GRIN2B: variants seen among roughly 807,000 people sequenced by gnomAD.
GRIN2B encodes glutamate ionotropic receptor NMDA type subunit 2B, also known as glutamate receptor ionotropic, NMDA 2B.
A neutral mutation model predicts 114.5 loss-of-function variants in GRIN2B; 5 were observed. That is an observed-to-expected ratio of 0.04 (90% confidence interval 0.02 to 0.09). The LOEUF is 0.09. Ranked by LOEUF, GRIN2B falls within the 10% of genes least tolerant of loss-of-function variation. The pLI is 1.00. For synonymous variants in GRIN2B, 787 were observed against 745.1 expected (o/e 1.06, Z -0.92); for missense variants, 1,108 against 1,943.5 (o/e 0.57, Z 8.08).
intron 3 of GRIN2B, among the ~76,000 whole-genome samples, chr12:13,863,451 C>A (rs1865779281): frequency 6.6e-6 from 1 of 152,296 alleles, no homozygotes; most frequent in African/African-American, 2.4e-5. Context: ...GCCTTTGAAG[C>A]TAGCAACCAA....
intron 2 of GRIN2B, among the ~76,000 whole-genome samples, chr12:13,938,685 G>C (rs1419807701): frequency 1.3e-5 from 2 of 152,158 alleles, no homozygotes; most frequent in Admixed American, 6.5e-5. Context: ...AAGCTAATTT[G>C]TGGGGATACA....
At chr12:13,975,330 A>T (rs1014674339) in intron 2 of GRIN2B, among the ~76,000 whole-genome samples, 1 of 152,254 alleles carries the variant, frequency 6.6e-6, no homozygotes, top group African/African-American at 2.4e-5. Context: ...AAATCTCCAG[A>T]TGATTTTAAT....
At chr12:13,972,187 G>T in intron 2 of GRIN2B, among the ~76,000 whole-genome samples, 1 of 152,178 alleles carries the variant, frequency 6.6e-6, no homozygotes, top group East Asian at 1.9e-4. Context: ...TTGGGGTAGG[G>T]TCTGAGCATG....
At chr12:13,860,577 C>T (rs375454198) in intron 3 of GRIN2B, among the ~76,000 whole-genome samples, 4 of 152,154 alleles carry the variant, frequency 2.6e-5, no homozygotes, top group South Asian at 2.1e-4. Flanking sequence ...TGCCTGCCTC[C>T]GCCTCCAAAG....
intron 5 of GRIN2B, among the ~76,000 whole-genome samples, chr12:13,643,085 A>C (rs1949734935): frequency 6.6e-6 from 1 of 152,204 alleles, no homozygotes; most frequent in Non-Finnish European, 1.5e-5. Context: ...TGAAGACGAA[A>C]GTTATTCTAA....
intron 2 of GRIN2B, among the ~76,000 whole-genome samples, chr12:13,915,809 C>G (rs1866708026): frequency 6.6e-6 from 1 of 152,102 alleles, no homozygotes; most frequent in African/African-American, 2.4e-5. Context: ...AAGCACCTGG[C>G]TGGCATCTTT....
chr12:13,929,667 T>C (rs1007666723), intron 2 of GRIN2B, among the ~76,000 whole-genome samples: 1 of 152,214 alleles, frequency 6.6e-6, no homozygotes, highest in African/African-American at 2.4e-5. Context: ...CATAATGAGC[T>C]GCCTAGGTCC....
intron 3 of GRIN2B, among the ~76,000 whole-genome samples, chr12:13,762,740 T>G (rs896121220): frequency 6.6e-6 from 1 of 152,200 alleles, no homozygotes; most frequent in Admixed American, 6.5e-5. Context: ...TCTTTGCCCT[T>G]CTGTCCCAGC....
chr12:13,678,392 G>C (rs1332985059), intron 4 of GRIN2B, among the ~76,000 whole-genome samples: 2 of 151,984 alleles, frequency 1.3e-5, no homozygotes, highest in Admixed American at 1.3e-4. Context: ...AGTCAACAAG[G>C]GTCCAGTATG....
chr12:13,665,000 C>T (rs972204346), intron 5 of GRIN2B, among the ~76,000 whole-genome samples: 6 of 152,092 alleles, frequency 3.9e-5, no homozygotes, highest in African/African-American at 1.2e-4. Context: ...ACTATTTCCT[C>T]GAAAATCCCT....
Position 13,555,288 on chromosome 12 carries a change from A to G in GRIN2B, c.*7495T>C, listed in dbSNP as rs1948465390. 6.6e-6 allele frequency: 1 copy of G among 152,236 alleles called. No individual in the cohort carries two copies. The highest frequency in any genetic ancestry group is 1.5e-5 in the Non-Finnish European group (1 of 68,052). The allele number at this position is 152,236 out of a possible 1,614,324, so 9.4% of individuals were successfully genotyped here. ...AGAAAAAAGGCTATTGACTTTTGTA[A>G]CAAGAACTTCATTGGAACGTTGCCT... On this transcript the variant is annotated 3_prime_UTR_variant, in exon 14 of 14. Coordinates refer to ENST00000609686, the MANE Select transcript of GRIN2B (RefSeq NM_000834.5).
At chr12:13,588,089 A>C (rs1948955550) in intron 10 of GRIN2B, among the ~76,000 whole-genome samples, 1 of 152,312 alleles carries the variant, frequency 6.6e-6, no homozygotes. Flanking sequence ...ACTCCATGAT[A>C]ATTCTATCAT....
chr12:13,819,206 G>T (rs1278415447), intron 3 of GRIN2B, among the ~76,000 whole-genome samples: 6 of 152,140 alleles, frequency 3.9e-5, no homozygotes, highest in Non-Finnish European at 8.8e-5. Flanking sequence ...GAGAGAGAAG[G>T]TGGCCATCTA....
At chr12:13,797,105 A>G (rs1864430244) in intron 3 of GRIN2B, among the ~76,000 whole-genome samples, 1 of 152,218 alleles carries the variant, frequency 6.6e-6, no homozygotes, top group African/African-American at 2.4e-5. Context: ...ACTTACAAGG[A>G]ACAGAAATTT....
At chr12:13,568,896 G>T (rs1948673017) in intron 12 of GRIN2B, among the ~76,000 whole-genome samples, 1 of 152,196 alleles carries the variant, frequency 6.6e-6, no homozygotes, top group Non-Finnish European at 1.5e-5. Context: ...CTGGGGAGTG[G>T]CTGATGGTGT....
chr12:13,821,909 C>T (rs1192337356), intron 3 of GRIN2B, among the ~76,000 whole-genome samples: 9 of 152,124 alleles, frequency 5.9e-5, no homozygotes, highest in Non-Finnish European at 1.0e-4. Context: ...TTCTCTATTA[C>T]ACAAAATAAA....
intron 2 of GRIN2B, among the ~76,000 whole-genome samples, chr12:13,889,644 T>C (rs1866225690): frequency 6.6e-6 from 1 of 152,108 alleles, no homozygotes; most frequent in African/African-American, 2.4e-5. Context: ...AGGTGAACTG[T>C]AGTAAAATAT....
intron 5 of GRIN2B, among the ~76,000 whole-genome samples, chr12:13,621,613 G>T (rs12308068): frequency 0.56 from 40,824 of 73,406 alleles, 9,686 homozygotes; most frequent in Middle Eastern, 0.72. Flanking sequence ...CCTAGTTTTT[G>T]TTTTTTTTTT....
intron 3 of GRIN2B, among the ~76,000 whole-genome samples, chr12:13,798,375 G>A (rs1339820891): frequency 6.6e-6 from 1 of 151,328 alleles, no homozygotes; most frequent in Non-Finnish European, 1.5e-5. Context: ...AATCATATTT[G>A]TAGTTAGATG....
Sources: gnomAD v4.1 joint callset for allele counts (sites outside exome capture counted in the v4.1 genomes callset) on GRCh38, gnomAD v4.1.1 for gene constraint, MANE v1.5 for transcripts, NCBI Gene and HGNC (gene_info 2026-07-23, HGNC 2026-07-21) for gene names.